SPATA6L: variants seen among roughly 807,000 people sequenced by gnomAD.
SPATA6L encodes the protein spermatogenesis associated 6-like protein.
Under a neutral mutation model 49.2 loss-of-function variants are expected in SPATA6L, and 68 were observed. The ratio of observed to expected loss-of-function variants is 1.38; its 90% CI spans 1.14 to 1.69. The LOEUF is 1.69. Among genes scored for constraint, SPATA6L ranks in the 40% most tolerant of loss-of-function variants. The pLI is 0.00. For synonymous variants in SPATA6L, 198 were observed against 165.7 expected (o/e 1.19, Z -1.50); for missense variants, 668 against 464.3 (o/e 1.44, Z -4.03).
intron 3 of SPATA6L, among the ~76,000 whole-genome samples, chr9:4,645,412 T>C (rs1018182334): frequency 6.6e-6 from 1 of 152,176 alleles, no homozygotes; most frequent in African/African-American, 2.4e-5. Flanking sequence ...GAGAAGTCCA[T>C]GGTTGAGGGG....
intron 2 of SPATA6L, among the ~76,000 whole-genome samples, chr9:4,658,477 G>A: frequency 6.6e-6 from 1 of 152,196 alleles, no homozygotes; most frequent in East Asian, 1.9e-4. Context: ...AACAACTCAT[G>A]CAAGAGGACA....
At chr9:4,634,087 A>G (rs912094153) in intron 4 of SPATA6L, among the ~76,000 whole-genome samples, 4 of 152,358 alleles carry the variant, frequency 2.6e-5, no homozygotes, top group Non-Finnish European at 5.9e-5. Context: ...TTAAGAAAAT[A>G]TAAGAAAGTT....
intron 2 of SPATA6L, among the ~76,000 whole-genome samples, chr9:4,661,335 G>C (rs547854833): frequency 6.6e-6 from 1 of 152,146 alleles, no homozygotes; most frequent in African/African-American, 2.4e-5. Flanking sequence ...GAATAGTTTA[G>C]TGTGAAGAAG....
intron 9 of SPATA6L, among the ~76,000 whole-genome samples, chr9:4,613,084 C>T (rs900923658): frequency 6.6e-6 from 1 of 151,768 alleles, no homozygotes; most frequent in Non-Finnish European, 1.5e-5. Context: ...AAAAATTAGC[C>T]AGGTGTGGTG....
intron 4 of SPATA6L, among the ~76,000 whole-genome samples, chr9:4,631,752 A>T (rs1831599962): frequency 6.6e-6 from 1 of 152,216 alleles, no homozygotes; most frequent in Non-Finnish European, 1.5e-5. Context: ...AAGAAATCAG[A>T]TAGTGGGCTG....
rs1391896228 is a variant in SPATA6L at position 4,600,506 on chromosome 9, A to AGAGAGAGAGAGAGAGAGAGAGAGG, written c.*304_*305insCCTCTCTCTCTCTCTCTCTCTCTC. 2.6e-5 allele frequency: 4 copies of AGAGAGAGAGAGAGAGAGAGAGAGG among 151,886 alleles called. No individual in the cohort carries two copies. Among genetic ancestry groups the AGAGAGAGAGAGAGAGAGAGAGAGG allele is most frequent in the Non-Finnish European group, 4.4e-5 (3 of 67,864 alleles). 9.4% of individuals were successfully genotyped at this position (151,886 alleles called of 1,614,324 possible). A position where few individuals can be genotyped will look rare whatever the true frequency, so the allele number is the denominator to read the frequency against. ...GCCAGAGAGAGCCAGAGAGAGAGAG[A>AGAGAGAGAGAGAGAGAGAGAGAGG]GGGGAAGTGTTCAGATAAGCACCTG... On this transcript the variant is annotated 3_prime_UTR_variant, in exon 12 of 12. Transcript: ENST00000682582.
At chr9:4,628,387 A>G (rs1055394680) in intron 5 of SPATA6L, 5 of 152,300 alleles carry the variant, frequency 3.3e-5, no homozygotes, top group African/African-American at 1.2e-4. Context: ...TACAGGTACT[A>G]CGTACCCATA....
intron 3 of SPATA6L, among the ~76,000 whole-genome samples, chr9:4,636,425 T>C (rs180964354): frequency 1.3e-5 from 2 of 152,340 alleles, no homozygotes; most frequent in African/African-American, 4.8e-5. Flanking sequence ...AAAATACTCA[T>C]TACCAAAAGA....
At chr9:4,631,270 G>C (rs979502741) in intron 4 of SPATA6L, among the ~76,000 whole-genome samples, 2 of 151,996 alleles carry the variant, frequency 1.3e-5, no homozygotes, top group Non-Finnish European at 2.9e-5. Flanking sequence ...TCAATAAAAG[G>C]ATTTAACATA....
intron 6 of SPATA6L, 175 bp downstream of exon 6, chr9:4,625,152 G>T (rs1830099577): frequency 1.6e-6 from 2 of 1,219,902 alleles, no homozygotes; most frequent in African/African-American, 1.5e-5. Context: ...CTTTCTAGGG[G>T]TTTCCTGACA....
intron 3 of SPATA6L, among the ~76,000 whole-genome samples, chr9:4,636,000 C>A (rs1832735634): frequency 6.6e-6 from 1 of 152,224 alleles, no homozygotes; most frequent in South Asian, 2.1e-4. Flanking sequence ...TTCTAATATT[C>A]TGCAAACATT....
chr9:4,609,996 C>G (rs1454015895), intron 9 of SPATA6L, among the ~76,000 whole-genome samples: 34 of 151,752 alleles, frequency 2.2e-4, no homozygotes, highest in Admixed American at 1.9e-3. Context: ...TTCTTATACA[C>G]CAACAACAGA....
intron 1 of SPATA6L, among the ~76,000 whole-genome samples, chr9:4,665,901 G>C (rs912330845): frequency 5.9e-5 from 9 of 151,966 alleles, no homozygotes; most frequent in Non-Finnish European, 1.2e-4. Context: ...CTTTATCCAG[G>C]AGAAGAAAAT....
intron 3 of SPATA6L, among the ~76,000 whole-genome samples, chr9:4,642,007 A>G (rs1021399394): frequency 1.3e-5 from 2 of 152,204 alleles, no homozygotes; most frequent in Non-Finnish European, 2.9e-5. Flanking sequence ...TGCTCAAGCA[A>G]TCCACCCACC....
At chr9:4,617,870 C>A in intron 9 of SPATA6L, 53 bp downstream of exon 9, 1 of 1,469,294 alleles carries the variant, frequency 6.8e-7, no homozygotes, top group Non-Finnish European at 9.1e-7. Flanking sequence ...AGCTTTACCC[C>A]TGCCAGGCCA....
chr9:4,601,540 T>C (rs1232163485), intron 11 of SPATA6L, among the ~76,000 whole-genome samples: 1 of 152,208 alleles, frequency 6.6e-6, no homozygotes, highest in Non-Finnish European at 1.5e-5. Flanking sequence ...TCTCTCCCTC[T>C]ACGTGGTCAG....
intron 4 of SPATA6L, among the ~76,000 whole-genome samples, chr9:4,634,067 G>C (rs965128084): frequency 6.6e-6 from 1 of 152,124 alleles, no homozygotes; most frequent in Non-Finnish European, 1.5e-5. Flanking sequence ...AAGTTAAAGA[G>C]AGATAACACT....
intron 2 of SPATA6L, among the ~76,000 whole-genome samples, chr9:4,660,945 A>G (rs1049071737): frequency 3.3e-5 from 5 of 151,908 alleles, no homozygotes; most frequent in African/African-American, 1.2e-4. Flanking sequence ...AAAACCAAAC[A>G]CCGCATGTTC....
rs1248806224 is a variant in SPATA6L at position 4,599,494 on chromosome 9, G to GT, written c.*1316dup. ...TTCTAAAAACTGAACAAGTTTTAGGGTAGTGTCTTACTCTATTCAGGCTGC... is the reference window on the plus strand; with the variant it reads ...TTCTAAAAACTGAACAAGTTTTAGGGTTAGTGTCTTACTCTATTCAGGCTGC... On this transcript the variant is annotated 3_prime_UTR_variant, in exon 12 of 12. Transcript: ENST00000682582. Among the ~76,000 whole-genome samples, 3 of 152,172 alleles carry GT rather than the reference G, an allele frequency of 2.0e-5. No individual in the cohort carries two copies. Among genetic ancestry groups the GT allele is most frequent in the Admixed American group, 6.5e-5 (1 of 15,280 alleles).
Sources: gnomAD v4.1 joint callset for allele counts (sites outside exome capture counted in the v4.1 genomes callset) on GRCh38, gnomAD v4.1.1 for gene constraint, MANE v1.5 for transcripts, NCBI Gene and HGNC (gene_info 2026-07-23, HGNC 2026-07-21) for gene names.